NDUFS6: variants seen among roughly 807,000 people sequenced by gnomAD.
The protein encoded by NDUFS6 is NADH:ubiquinone oxidoreductase subunit S6, also known as NADH dehydrogenase [ubiquinone] iron-sulfur protein 6, mitochondrial.
Under a neutral mutation model 13.2 loss-of-function variants are expected in NDUFS6, and 14 were observed. The observed-to-expected ratio is 1.06, with a 90% confidence interval of 0.70 to 1.66. The LOEUF (loss-of-function observed/expected upper bound fraction) is 1.66. Ranked by LOEUF, NDUFS6 falls within the 40% of genes most tolerant of loss-of-function variation. The probability of loss-of-function intolerance (pLI) is 0.00; values close to 1 mark genes in which losing one functional copy is unlikely to be tolerated. For missense variants in NDUFS6, 206 were observed against 170.8 expected, an observed-to-expected ratio of 1.21 and a Z score of -1.15; for synonymous variants, 95 against 72.3, an observed-to-expected ratio of 1.31 and a Z score of -1.60.
chr5:1,805,014 AG>A (rs1734102166), intron 2 of NDUFS6, among the ~76,000 whole-genome samples: 3 of 152,120 alleles, frequency 2.0e-5, no homozygotes. Context: ...ACTGTCCTCT[AG>A]TTTTGTCAAG....
In NDUFS6 at chr5:1,801,413, G is replaced by T; in HGVS notation, c.-5G>T. On this transcript the variant is annotated 5_prime_UTR_variant, in exon 1 of 4. Transcript: ENST00000274137. ...TTGCGCCGGGTCAAAGGCCAGCGGC[G>T]CAAAATGGCGGCGGCGATGACCTTC... 1 of 1,605,462 alleles carries T rather than the reference G, an allele frequency of 6.2e-7. No individual in the cohort carries two copies. The highest frequency in any genetic ancestry group is 8.5e-7 in the Non-Finnish European group (1 of 1,178,256).
intron 2 of NDUFS6, among the ~76,000 whole-genome samples, chr5:1,805,717 A>G (rs1010088989): frequency 1.3e-5 from 2 of 152,248 alleles, no homozygotes; most frequent in African/African-American, 2.4e-5. Context: ...AAGTAAAATT[A>G]AAAGCAGATA....
chr5:1,804,949 T>C (rs1050476700), intron 2 of NDUFS6, among the ~76,000 whole-genome samples: 15 of 152,240 alleles, frequency 9.9e-5, no homozygotes, highest in African/African-American at 2.7e-4. Context: ...AAAAATCCTC[T>C]GTGCTCTGCC....
intron 2 of NDUFS6, among the ~76,000 whole-genome samples, chr5:1,809,455 C>T (rs918461048): frequency 3.3e-5 from 5 of 152,064 alleles, no homozygotes; most frequent in South Asian, 2.1e-4. Context: ...GGCTCTGTGT[C>T]GTGGCTGGGT....
intron 2 of NDUFS6, among the ~76,000 whole-genome samples, chr5:1,811,695 T>G (rs1036741615): frequency 1.3e-5 from 2 of 152,222 alleles, no homozygotes; most frequent in Non-Finnish European, 2.9e-5. Flanking sequence ...GTTGAACATG[T>G]CTCTTGTCTC....
chr5:1,805,793 G>A (rs1219885067), intron 2 of NDUFS6, among the ~76,000 whole-genome samples: 2 of 152,246 alleles, frequency 1.3e-5, no homozygotes, highest in African/African-American at 4.8e-5. Context: ...AATAATAACA[G>A]CAATAACAAC....
intron 2 of NDUFS6, among the ~76,000 whole-genome samples, chr5:1,804,839 A>G (rs1256374878): frequency 6.6e-6 from 1 of 152,188 alleles, no homozygotes; most frequent in Non-Finnish European, 1.5e-5. Context: ...TACTAACTCA[A>G]GTCCACAGGT....
chr5:1,809,767 C>A (rs935005957), intron 2 of NDUFS6, among the ~76,000 whole-genome samples: 1 of 152,212 alleles, frequency 6.6e-6, no homozygotes, highest in African/African-American at 2.4e-5. Flanking sequence ...TTAGTTGCAT[C>A]GCCTGCAGCA....
chr5:1,801,645 C>T, intron 1 of NDUFS6, 96 bp downstream of exon 1: 1 of 1,481,100 alleles, frequency 6.8e-7, no homozygotes, highest in Non-Finnish European at 9.0e-7. Flanking sequence ...CCTGGTTCTG[C>T]GCCGGCAGCG....
intron 2 of NDUFS6, among the ~76,000 whole-genome samples, chr5:1,811,504 G>A (rs569243677): frequency 6.6e-6 from 1 of 152,252 alleles, no homozygotes; most frequent in African/African-American, 2.4e-5. Context: ...GTGTGACTCC[G>A]AGCCCAGGTA....
intron 3 of NDUFS6, 130 bp from the exon 4 acceptor site, chr5:1,815,721 C>A: frequency 1.0e-6 from 1 of 959,864 alleles, no homozygotes; most frequent in Non-Finnish European, 1.6e-6. Flanking sequence ...AGTCTGCATT[C>A]TTACTTCAGT....
At chr5:1,813,648 A>G (rs1398051960) in intron 2 of NDUFS6, among the ~76,000 whole-genome samples, 1 of 152,162 alleles carries the variant, frequency 6.6e-6, no homozygotes, top group Non-Finnish European at 1.5e-5. Context: ...GCATCAGCAC[A>G]CAAGCAGGAC....
At position 1,810,185 on chromosome 5, in the gene NDUFS6, G is replaced by A. The variant is rs146064151; in HGVS notation, c.187-4154G>A. On this transcript the variant is annotated intron_variant, in intron 2 of 3. Coordinates refer to ENST00000274137, the MANE Select transcript of NDUFS6 (RefSeq NM_004553.6). ...GCTGCTTCCACTCTGGGGCGGGGACGCTGTAGAAGGAGCACAAAGTTTCAG... is the reference window on the plus strand; with the variant it reads ...GCTGCTTCCACTCTGGGGCGGGGACACTGTAGAAGGAGCACAAAGTTTCAG... 2.6e-3 allele frequency among the ~76,000 whole-genome samples: 402 copies of A among 152,320 alleles called. 23 individuals carry two copies. In the East Asian group the frequency reaches 0.067, roughly 26 times the overall value.
intron 2 of NDUFS6, among the ~76,000 whole-genome samples, chr5:1,802,633 C>T (rs1317961238): frequency 6.6e-6 from 1 of 151,998 alleles, no homozygotes; most frequent in Non-Finnish European, 1.5e-5. Flanking sequence ...AATTCTTGTC[C>T]CTTATTCTCC....
chr5:1,812,773 C>T (rs900732052), intron 2 of NDUFS6, among the ~76,000 whole-genome samples: 2 of 151,758 alleles, frequency 1.3e-5, no homozygotes, highest in African/African-American at 4.8e-5. Flanking sequence ...TGTGTGTAGG[C>T]CAGGCTCAGT....
rs559695238 is a variant in NDUFS6, at chr5:1,816,008, T to C, written c.*92T>C. 6.6e-6 allele frequency: 9 copies of C among 1,353,680 alleles called. No homozygotes were observed. Among genetic ancestry groups the C allele is most frequent in the African/African-American group, 5.7e-5 (4 of 69,762 alleles). 83.9% of individuals were successfully genotyped at this position (1,353,680 alleles called of 1,614,324 possible). The stretch of plus-strand genomic sequence containing the variant: ...AAGCTCGCTGGTTCTGTGCGAAGGG[T>C]ATTCCTGGTGCTGAATAAAGGGTGT... On this transcript the variant is annotated 3_prime_UTR_variant, in exon 4 of 4. Coordinates refer to ENST00000274137, the MANE Select transcript of NDUFS6 (RefSeq NM_004553.6).
chr5:1,809,302 G>A (rs1734181729), intron 2 of NDUFS6, among the ~76,000 whole-genome samples: 1 of 152,212 alleles, frequency 6.6e-6, no homozygotes, highest in Non-Finnish European at 1.5e-5. Flanking sequence ...CTCGTGAAGT[G>A]CAGCAGCGCT....
rs776230491 is a variant in NDUFS6 at position 1,812,252 on chromosome 5, CCTT to C, written c.187-2085_187-2083del. Among the ~76,000 whole-genome samples, 11 of 152,206 alleles carry C rather than the reference CCTT, an allele frequency of 7.2e-5. No individual in the cohort carries two copies. The South Asian group carries it at 1.7e-3, about 23-fold the overall frequency. On this transcript the variant is annotated intron_variant, in intron 2 of 3. Coordinates refer to ENST00000274137, the MANE Select transcript of NDUFS6 (RefSeq NM_004553.6). ...CACCACCTGTGAGGGCAGCCAGAATCCTTCATGAGGCAGAACCCTCATGACCTC... is the reference window on the plus strand; with the variant it reads ...CACCACCTGTGAGGGCAGCCAGAATCCATGAGGCAGAACCCTCATGACCTC...
At chr5:1,815,771 T>C (rs1053641991) in intron 3 of NDUFS6, 80 bp from the exon 4 acceptor site, 2 of 1,393,896 alleles carry the variant, frequency 1.4e-6, no homozygotes, top group East Asian at 2.3e-5. Flanking sequence ...CTAAGTTTTA[T>C]ACATACATTT....
Sources: gnomAD v4.1 joint callset for allele counts (sites outside exome capture counted in the v4.1 genomes callset) on GRCh38, gnomAD v4.1.1 for gene constraint, MANE v1.5 for transcripts, NCBI Gene and HGNC (gene_info 2026-07-23, HGNC 2026-07-21) for gene names.